The following ST3GAL3 variants were observed in gnomAD, a reference collection of about 807,000 sequenced individuals.
The protein encoded by ST3GAL3 is ST3 beta-galactoside alpha-2,3-sialyltransferase 3.
ST3GAL3 carries 21 observed loss-of-function variants against 50.1 expected under a neutral mutation model. The ratio of observed to expected loss-of-function variants is 0.42; its 90% CI spans 0.30 to 0.60. The LOEUF is 0.60. Among genes scored for constraint, ST3GAL3 ranks in the 20% least tolerant of loss-of-function variants. The probability of loss-of-function intolerance (pLI) is 0.19; values close to 1 mark genes in which losing one functional copy is unlikely to be tolerated. For synonymous variants in ST3GAL3, 183 were observed against 190.0 expected, an observed-to-expected ratio of 0.96 and a Z score of 0.30; for missense variants, 353 against 489.4, an observed-to-expected ratio of 0.72 and a Z score of 2.63.
intron 2 of ST3GAL3, among the ~76,000 whole-genome samples, chr1:43,771,730 TTGTGTG>T (rs143955404): frequency 0.3 from 43,009 of 144,880 alleles, 7,188 homozygotes; most frequent in Non-Finnish European, 0.38. Flanking sequence ...TTTAATAAAG[TTGTGTG>T]TGTGTGTGTG....
At chr1:43,789,998 C>T (rs2057847620) in intron 2 of ST3GAL3, among the ~76,000 whole-genome samples, 1 of 152,084 alleles carries the variant, frequency 6.6e-6, no homozygotes, top group South Asian at 2.1e-4. Flanking sequence ...AAGTGGCAAC[C>T]CTACCTTTTT....
intron 9 of ST3GAL3, among the ~76,000 whole-genome samples, chr1:43,917,596 A>G (rs2082174202): frequency 5.1e-5 from 1 of 19,598 alleles, no homozygotes; most frequent in Non-Finnish European, 1.5e-4. Flanking sequence ...TATATATAAT[A>G]TATATATTAT....
At chr1:43,843,955 C>T (rs981499087) in intron 5 of ST3GAL3, among the ~76,000 whole-genome samples, 5 of 152,342 alleles carry the variant, frequency 3.3e-5, no homozygotes, top group South Asian at 4.1e-4. Context: ...CTATACATCT[C>T]GCCAACCAGC....
intron 2 of ST3GAL3, among the ~76,000 whole-genome samples, chr1:43,741,501 C>T (rs1680913826): frequency 6.6e-6 from 1 of 152,166 alleles, no homozygotes; most frequent in Non-Finnish European, 1.5e-5. Context: ...GGAGAATACT[C>T]TCTGGCACAA....
chr1:43,794,372 C>T (rs1232512435), intron 3 of ST3GAL3, among the ~76,000 whole-genome samples: 2 of 152,210 alleles, frequency 1.3e-5, no homozygotes, highest in South Asian at 2.1e-4. Context: ...TATCAATACA[C>T]ATCTACCAAA....
At chr1:43,779,975 G>T (rs1698825138) in intron 2 of ST3GAL3, among the ~76,000 whole-genome samples, 1 of 152,008 alleles carries the variant, frequency 6.6e-6, no homozygotes, top group South Asian at 2.1e-4. Context: ...CTCTTTGGAT[G>T]GTTTGCTCTC....
At chr1:43,904,627 GC>G (rs1280522843) in intron 9 of ST3GAL3, among the ~76,000 whole-genome samples, 1 of 151,610 alleles carries the variant, frequency 6.6e-6, no homozygotes, top group Non-Finnish European at 1.5e-5. Context: ...TCTTCTGTAA[GC>G]TCTTGGTCAC....
At chr1:43,805,270 G>A (rs1010227708) in intron 3 of ST3GAL3, among the ~76,000 whole-genome samples, 2 of 152,082 alleles carry the variant, frequency 1.3e-5, no homozygotes, top group Admixed American at 6.6e-5. Flanking sequence ...TTTCTCCCTC[G>A]TGTCGCTGAG....
At chr1:43,918,156 AC>A (rs1480438278) in intron 9 of ST3GAL3, among the ~76,000 whole-genome samples, 2 of 125,264 alleles carry the variant, frequency 1.6e-5, no homozygotes, top group Non-Finnish European at 3.2e-5. Context: ...TCACTCTGTC[AC>A]CCAGGCTGGA....
intron 2 of ST3GAL3, among the ~76,000 whole-genome samples, chr1:43,741,674 GGTAA>G (rs1387093523): frequency 6.6e-6 from 1 of 152,162 alleles, no homozygotes; most frequent in African/African-American, 2.4e-5. Context: ...TGCTTCCCAT[GGTAA>G]GGAAGTAAGT....
At chr1:43,882,938 C>G (rs1160789254) in intron 5 of ST3GAL3, among the ~76,000 whole-genome samples, 1 of 126,292 alleles carries the variant, frequency 7.9e-6, no homozygotes, top group African/African-American at 2.7e-5. Flanking sequence ...AGTGCCCATT[C>G]TTTTATTTAT....
intron 9 of ST3GAL3, chr1:43,914,282 C>G (rs1186505646): frequency 6.6e-6 from 1 of 152,186 alleles, no homozygotes; most frequent in African/African-American, 2.4e-5. Flanking sequence ...ACCAGCTGTG[C>G]GTGTACCCTG....
intron 2 of ST3GAL3, among the ~76,000 whole-genome samples, chr1:43,740,875 GGAGA>G (rs1191131065): frequency 2.0e-5 from 3 of 149,510 alleles, no homozygotes; most frequent in Admixed American, 6.7e-5. Flanking sequence ...GGAGGAAGAG[GGAGA>G]GAGAGAGACA....
chr1:43,926,605 C>CAA (rs35218617), intron 11 of ST3GAL3, among the ~76,000 whole-genome samples: 79 of 150,332 alleles, frequency 5.3e-4, no homozygotes, highest in Middle Eastern at 3.5e-3. Flanking sequence ...AACTCCGTCT[C>CAA]AAAAAAAAAT....
At chr1:43,863,305 T>G (rs945275362) in intron 5 of ST3GAL3, among the ~76,000 whole-genome samples, 4 of 152,290 alleles carry the variant, frequency 2.6e-5, no homozygotes, top group African/African-American at 9.6e-5. Context: ...GTGGGGAGGC[T>G]GAAGCCCTGC....
chr1:43,888,648 C>G (rs928698661), intron 5 of ST3GAL3, among the ~76,000 whole-genome samples: 1 of 152,176 alleles, frequency 6.6e-6, no homozygotes, highest in Non-Finnish European at 1.5e-5. Context: ...CTGCAAATGG[C>G]TCTTCCATAT....
intron 5 of ST3GAL3, among the ~76,000 whole-genome samples, chr1:43,855,372 G>T (rs4660753): frequency 4.2e-4 from 64 of 151,980 alleles, no homozygotes; most frequent in African/African-American, 1.5e-3. Context: ...CACTTTGGCC[G>T]GCCAAGGCGG....
At chr1:43,802,772 A>G (rs1377259771) in intron 3 of ST3GAL3, among the ~76,000 whole-genome samples, 7 of 152,236 alleles carry the variant, frequency 4.6e-5, no homozygotes, top group African/African-American at 1.7e-4. Flanking sequence ...TTTTCTCAGT[A>G]ATGAAAGTGA....
intron 2 of ST3GAL3, among the ~76,000 whole-genome samples, chr1:43,779,924 C>A (rs942977489): frequency 6.6e-6 from 1 of 152,200 alleles, no homozygotes; most frequent in Non-Finnish European, 1.5e-5. Flanking sequence ...CTATCAGCTT[C>A]ATTTTCTTGA....
Sources: allele counts gnomAD v4.1 joint callset (sites outside exome capture counted in the v4.1 genomes callset), GRCh38; gene constraint gnomAD v4.1.1; transcripts MANE v1.5; gene names NCBI Gene and HGNC (gene_info 2026-07-23, HGNC 2026-07-21).